PSG11: variants seen among roughly 807,000 people sequenced by gnomAD.
The protein encoded by PSG11 is pregnancy-specific beta-1-glycoprotein 11.
Under a neutral mutation model 36.0 loss-of-function variants are expected in PSG11, and 42 were observed. That is an observed-to-expected ratio of 1.17 (90% CI 0.91 to 1.51). The LOEUF is 1.51. Ranked by LOEUF, PSG11 falls within the 40% of genes most tolerant of loss-of-function variation. The probability of loss-of-function intolerance (pLI) is 0.00; values close to 1 mark genes in which losing one functional copy is unlikely to be tolerated. For missense variants in PSG11, 558 were observed against 403.5 expected, an observed-to-expected ratio of 1.38 and a Z score of -3.28; for synonymous variants, 206 against 153.5, an observed-to-expected ratio of 1.34 and a Z score of -2.53.
chr19:43,010,641 CT>C (rs1974051109), intron 4 of PSG11: 1 of 280,686 alleles, frequency 3.6e-6, no homozygotes, highest in Admixed American at 5.0e-5. Flanking sequence ...CTTTCTCTTT[CT>C]TTTTCACAGG....
At chr19:43,019,783 T>C (rs1005118005) in intron 2 of PSG11, 8 of 151,896 alleles carry the variant, frequency 5.3e-5, no homozygotes, top group Non-Finnish European at 7.3e-5. Flanking sequence ...GTTGTGGGTC[T>C]ATGATGCTCC....
intron 3 of PSG11, among the ~76,000 whole-genome samples, chr19:43,017,760 T>C (rs1967002553): frequency 6.6e-6 from 1 of 151,584 alleles, no homozygotes; most frequent in Admixed American, 6.6e-5. Flanking sequence ...TCTTTCCATA[T>C]AATGATATTG....
At chr19:43,025,103 G>T (rs375311954) in intron 1 of PSG11, 47 bp from the exon 2 acceptor site, 4 of 1,575,312 alleles carry the variant, frequency 2.5e-6, no homozygotes, top group Non-Finnish European at 2.6e-6. Context: ...CTATGTATTG[G>T]GGTGAAAAGA....
chr19:43,024,621 C>T lies in PSG11; in HGVS notation c.430+70G>A. On this transcript the variant is annotated intron_variant, in intron 2 of 5. Transcript: ENST00000320078. Reference sequence around the variant, plus strand: ...GGACACAGGCAATGTCCAGGCCTGACAATCCTGTGTGTGTGATGTAGAAGT... The same window carrying T: ...GGACACAGGCAATGTCCAGGCCTGATAATCCTGTGTGTGTGATGTAGAAGT... 1.9e-6 allele frequency: 3 copies of T among 1,607,042 alleles called. No individual in the cohort carries two copies. In the Admixed American group the frequency reaches 5.0e-5, roughly 27 times the overall value.
chr19:43,011,833 G>T (rs574912217), intron 4 of PSG11, among the ~76,000 whole-genome samples: 12 of 150,416 alleles, frequency 8.0e-5, no homozygotes, highest in Admixed American at 2.7e-4. Context: ...TGAGGCTGCA[G>T]TGAGCCATAA....
chr19:43,016,099 C>T lies in PSG11; in HGVS notation c.710-729G>A, dbSNP rs542537222. ...CTGTGTGGCACCTTTGATTCCTCCACAGGCATCCTTCAATCAGAGTTGGCA... is the reference window on the plus strand; with the variant it reads ...CTGTGTGGCACCTTTGATTCCTCCATAGGCATCCTTCAATCAGAGTTGGCA... On this transcript the variant is annotated intron_variant, in intron 3 of 5. Transcript: ENST00000320078. 230 of 1,557,920 alleles carry T rather than the reference C, an allele frequency of 1.5e-4. 10 individuals are homozygous for T. The South Asian group carries it at 2.2e-3, about 15-fold the overall frequency.
rs577406061 is a variant in PSG11, at chr19:43,023,004, C to CAG, written c.430+1685_430+1686dup. ...GAGGAAGATGAGGGACACAGAGAAG[C>CAG]AGAGAGAGGCAGAGACACCATGGCA... On this transcript the variant is annotated intron_variant, in intron 2 of 5. Transcript: ENST00000320078. 6.0e-3 allele frequency among the ~76,000 whole-genome samples: 906 copies of CAG among 150,040 alleles called. 23 individuals carry two copies. Among genetic ancestry groups the CAG allele is most frequent in the African/African-American group, 0.021 (858 of 40,214 alleles).
At chr19:43,011,353 C>T (rs1039959936) in intron 4 of PSG11, among the ~76,000 whole-genome samples, 1 of 151,114 alleles carries the variant, frequency 6.6e-6, no homozygotes, top group African/African-American at 2.4e-5. Flanking sequence ...AGAAAGATCT[C>T]AGGTCAACAA....
At chr19:43,011,804 T>C (rs1362962825) in intron 4 of PSG11, among the ~76,000 whole-genome samples, 1 of 150,444 alleles carries the variant, frequency 6.6e-6, no homozygotes, top group African/African-American at 2.5e-5. Context: ...AGAAGGAGAA[T>C]TGCTTGAGCC....
In PSG11 at chr19:43,024,994, G is replaced by A; in HGVS notation, c.127C>T (p.Pro43Ser). 4 of 1,611,184 alleles carry A rather than the reference G, an allele frequency of 2.5e-6. No individual in the cohort carries two copies. Among genetic ancestry groups the A allele is most frequent in the Non-Finnish European group, 3.4e-6 (4 of 1,178,536 alleles). The change falls in exon 2 of 6, where the codon CCC (proline) becomes TCC (serine). Residue 43 changes from proline (P) to serine (S), a missense_variant. By Grantham distance (74) the Pro-to-Ser change is moderately conservative. Transcript: ENST00000320078. ...TAQVMIEAQP[P>S]KVSEGKDVLL... ...ACATCCTTCCCCTCGGACACTTTGG[G>A]TGGCTGGGCTTCAATCATGACTTGG...
intron 1 of PSG11, chr19:43,025,293 C>T: frequency 2.7e-6 from 2 of 750,548 alleles, no homozygotes; most frequent in African/African-American, 1.8e-5. Flanking sequence ...CCCATTCCTT[C>T]AACACTTCTG....
rs1195660251 is a variant in PSG11 at position 43,007,786 on chromosome 19, C to G, written c.*297G>C. 1.1e-5 allele frequency: 3 copies of G among 272,608 alleles called. No homozygotes were observed. Among genetic ancestry groups the G allele is most frequent in the Non-Finnish European group, 2.2e-5 (3 of 138,184 alleles). The allele number at this position is 272,608 out of a possible 1,614,324, so 16.9% of individuals were successfully genotyped here. A position where few individuals can be genotyped will look rare whatever the true frequency, so the allele number is the denominator to read the frequency against. On this transcript the variant is annotated 3_prime_UTR_variant, in exon 6 of 6. Transcript: ENST00000320078. ...TTACAAAAGTATACTTTACCAATTGCTGAAGAAAAAAATTCATAAATCTGG... is the reference window on the plus strand; with the variant it reads ...TTACAAAAGTATACTTTACCAATTGGTGAAGAAAAAAATTCATAAATCTGG...
intron 3 of PSG11, chr19:43,018,403 T>C: frequency 2.5e-6 from 1 of 403,352 alleles, no homozygotes; most frequent in Admixed American, 3.3e-5. Context: ...CAGGTGACAT[T>C]GTCAGAGGGA....
chr19:43,009,432 A>T (rs1163840696), intron 5 of PSG11, among the ~76,000 whole-genome samples: 3 of 151,380 alleles, frequency 2.0e-5, no homozygotes, highest in Non-Finnish European at 4.4e-5. Context: ...TGGAGGAATT[A>T]TACTAGGAAG....
intron 5 of PSG11, among the ~76,000 whole-genome samples, chr19:43,009,750 C>T (rs1243786267): frequency 6.6e-6 from 1 of 151,086 alleles, no homozygotes; most frequent in Non-Finnish European, 1.5e-5. Context: ...TGAGCAGAGG[C>T]TGGAGATAAT....
intron 2 of PSG11, among the ~76,000 whole-genome samples, chr19:43,023,791 G>A (rs999322093): frequency 4.6e-5 from 7 of 151,254 alleles, no homozygotes; most frequent in Non-Finnish European, 1.0e-4. Flanking sequence ...CTCTCAATCA[G>A]ATAAGTTAAA....
rs1363710688 is a variant in PSG11 at position 43,019,131 on chromosome 19, G to C, written c.431-83C>G. The C allele has an allele frequency of 6.0e-5, 93 of 1,559,394 alleles. 3 individuals carry two copies. Among genetic ancestry groups the C allele is most frequent in the Middle Eastern group, 2.0e-4 (1 of 4,960 alleles). ...CATTTTTCAATCAGAATTGGCATTT[G>C]CCACCTCTCAGCCCACCCGAGTCCC... is the stretch of plus-strand genomic sequence containing the variant. On this transcript the variant is annotated intron_variant, in intron 2 of 5. Coordinates refer to ENST00000320078, the MANE Select transcript of PSG11 (RefSeq NM_002785.3).
In PSG11 at chr19:43,018,971, T is replaced by C. The variant is rs146128389; in HGVS notation, c.508A>G (p.Asn170Asp). 177 of 1,612,078 alleles carry C rather than the reference T, an allele frequency of 1.1e-4. 7 individuals are homozygous for C. The highest frequency in any genetic ancestry group is 3.3e-4 in the Middle Eastern group (2 of 6,054). ...EAMETVILTC[N>D]PETPDASYLW... ...TAGCTTGCGTCCGGAGTCTCAGGATTACAGGTTAAGATCACAGTCTCCATG... is the reference window on the plus strand; with the variant it reads ...TAGCTTGCGTCCGGAGTCTCAGGATCACAGGTTAAGATCACAGTCTCCATG... Residue 170 changes from asparagine (N) to aspartate (D), a missense_variant, in exon 3 of 6, where the codon AAT becomes GAT. By Grantham distance (23) the Asn-to-Asp change is conservative. Transcript: ENST00000320078.
chr19:43,025,936 C>CTTT lies in PSG11; in HGVS notation c.64+370_64+372dup, dbSNP rs1195259262. Among the ~76,000 whole-genome samples the CTTT allele has an allele frequency of 2.5e-3, 171 of 68,144 alleles. 1 individual carries two copies. The highest frequency in any genetic ancestry group is 0.018 in the Middle Eastern group (1 of 56). The allele number at this position is 68,144 out of a possible 152,430, so 44.7% of individuals were successfully genotyped here. On this transcript the variant is annotated intron_variant, in intron 1 of 5. Transcript: ENST00000320078. Reference sequence around the variant, plus strand: ...CTTTCCTTTTTTTTTTTTTTTTTCTCTTTTTTTTTTTTTTTTTTTTTTTGA... The same window carrying CTTT: ...CTTTCCTTTTTTTTTTTTTTTTTCTCTTTTTTTTTTTTTTTTTTTTTTTTTTGA...
Sources: allele counts gnomAD v4.1 joint callset (sites outside exome capture counted in the v4.1 genomes callset), GRCh38; gene constraint gnomAD v4.1.1; transcripts MANE v1.5; gene names NCBI Gene and HGNC (gene_info 2026-07-23, HGNC 2026-07-21).